RIN2: variants seen among roughly 807,000 people sequenced by gnomAD.
RIN2 encodes the protein RAB5 interacting protein 2.
Under a neutral mutation model 78.0 loss-of-function variants are expected in RIN2, and 36 were observed. The observed-to-expected ratio is 0.46, with a 90% CI of 0.35 to 0.61. RIN2 has a LOEUF of 0.61. Among genes scored for constraint, RIN2 ranks in the 20% least tolerant of loss-of-function variants. RIN2 has a pLI of 0.00. For synonymous variants in RIN2, 466 were observed against 466.8 expected (o/e 1.00, Z 0.02); for missense variants, 1,087 against 1,159.7 (o/e 0.94, Z 0.91).
intron 3 of RIN2, among the ~76,000 whole-genome samples, chr20:19,933,578 C>T (rs11696547): frequency 6.6e-6 from 1 of 152,092 alleles, no homozygotes; most frequent in African/African-American, 2.4e-5. Flanking sequence ...CTCAGCTCCA[C>T]TCCCCATTTG....
At chr20:19,773,410 G>A (rs556141157) in intron 1 of RIN2, among the ~76,000 whole-genome samples, 12 of 152,216 alleles carry the variant, frequency 7.9e-5, no homozygotes, top group Admixed American at 6.5e-4. Context: ...TGTGACCAGT[G>A]CACACAATCA....
At chr20:19,857,610 G>A (rs2037207680) in intron 2 of RIN2, among the ~76,000 whole-genome samples, 1 of 152,148 alleles carries the variant, frequency 6.6e-6, no homozygotes, top group African/African-American at 2.4e-5. Flanking sequence ...GAGAGTTCCA[G>A]TTGCTAACAC....
rs2036176668 is a variant in RIN2, at chr20:19,829,040, A to G, written c.-37+29293A>G. On this transcript the variant is annotated intron_variant, in intron 2 of 12. Coordinates refer to ENST00000255006, the MANE Select transcript of RIN2 (RefSeq NM_018993.4). ...AATTTGTGCCTCAGCAAACATGCAG[A>G]TTACCTGGGATCCTCAGCAGAGAAT... 2.6e-5 allele frequency among the ~76,000 whole-genome samples: 4 copies of G among 152,218 alleles called. No individual in the cohort carries two copies. The South Asian group carries it at 8.3e-4, about 32-fold the overall frequency.
At chr20:19,844,022 T>G (rs536880069) in intron 2 of RIN2, among the ~76,000 whole-genome samples, 5 of 152,174 alleles carry the variant, frequency 3.3e-5, no homozygotes, top group Non-Finnish European at 7.3e-5. Flanking sequence ...ATACCTTCAG[T>G]GGGGAAGAAT....
intron 2 of RIN2, among the ~76,000 whole-genome samples, chr20:19,843,189 G>A (rs1438493238): frequency 6.6e-6 from 1 of 152,170 alleles, no homozygotes; most frequent in Non-Finnish European, 1.5e-5. Flanking sequence ...ACTGTGAACA[G>A]TGTTAAAATG....
chr20:19,934,101 T>C (rs966619458), intron 3 of RIN2, among the ~76,000 whole-genome samples: 1 of 152,202 alleles, frequency 6.6e-6, no homozygotes, highest in African/African-American at 2.4e-5. Context: ...AGAGCCGCTA[T>C]GCCTGGCCAA....
At chr20:19,809,986 C>T (rs2035536438) in intron 2 of RIN2, among the ~76,000 whole-genome samples, 1 of 152,030 alleles carries the variant, frequency 6.6e-6, no homozygotes, top group African/African-American at 2.4e-5. Flanking sequence ...CCAGGTGCTG[C>T]AGAAAGAAAA....
intron 4 of RIN2, among the ~76,000 whole-genome samples, chr20:19,954,447 G>C (rs966691702): frequency 6.6e-6 from 1 of 152,168 alleles, no homozygotes; most frequent in African/African-American, 2.4e-5. Context: ...GCCAGGTTAA[G>C]TGTCAGTTCT....
chr20:19,902,108 C>T (rs1326253722), intron 3 of RIN2, among the ~76,000 whole-genome samples: 1 of 151,798 alleles, frequency 6.6e-6, no homozygotes, highest in Non-Finnish European at 1.5e-5. Flanking sequence ...ATTTAATCCT[C>T]ACAATATTAT....
At chr20:19,929,954 G>A (rs1600841658) in intron 3 of RIN2, among the ~76,000 whole-genome samples, 1 of 152,134 alleles carries the variant, frequency 6.6e-6, no homozygotes, top group African/African-American at 2.4e-5. Flanking sequence ...GGCCCAGTGG[G>A]TATATACACA....
At chr20:19,950,805 G>C (rs1045427288) in intron 4 of RIN2, among the ~76,000 whole-genome samples, 6 of 151,816 alleles carry the variant, frequency 4.0e-5, no homozygotes, top group Non-Finnish European at 7.4e-5. Context: ...CACTTCTCGG[G>C]TTCAAACAGT....
intron 2 of RIN2, among the ~76,000 whole-genome samples, chr20:19,848,397 G>T (rs8120277): frequency 1.3e-5 from 2 of 151,760 alleles, no homozygotes; most frequent in Non-Finnish European, 2.9e-5. Flanking sequence ...TTAGCTGGGC[G>T]TGGTGGTGTG....
chr20:19,828,919 G>A (rs1364303206), intron 2 of RIN2, among the ~76,000 whole-genome samples: 2 of 152,118 alleles, frequency 1.3e-5, no homozygotes, highest in Admixed American at 1.3e-4. Flanking sequence ...TTCCTGCTAG[G>A]CTTGGTTTGG....
chr20:19,968,963 G>C (rs370613646), intron 7 of RIN2, among the ~76,000 whole-genome samples: 3 of 150,190 alleles, frequency 2.0e-5, no homozygotes, highest in East Asian at 3.9e-4. Flanking sequence ...CCAAGCAAAG[G>C]GGGTGCTCAC....
intron 3 of RIN2, among the ~76,000 whole-genome samples, chr20:19,924,395 CTT>C (rs1252089122): frequency 3.7e-5 from 1 of 27,372 alleles, no homozygotes; most frequent in Non-Finnish European, 5.9e-5. Context: ...TACCCCACCT[CTT>C]CATACCCCAC....
chr20:19,933,194 T>C (rs772333124), intron 3 of RIN2, among the ~76,000 whole-genome samples: 1 of 152,178 alleles, frequency 6.6e-6, no homozygotes, highest in Non-Finnish European at 1.5e-5. Context: ...ATAAAACAGA[T>C]GTAAAATGGC....
At chr20:19,951,922 AGAC>A (rs2041333082) in intron 4 of RIN2, among the ~76,000 whole-genome samples, 1 of 152,186 alleles carries the variant, frequency 6.6e-6, no homozygotes, top group South Asian at 2.1e-4. Flanking sequence ...GTTTGCATGC[AGAC>A]ACCTTTCTTA....
chr20:19,768,496 C>T (rs2033984356), intron 1 of RIN2, among the ~76,000 whole-genome samples: 1 of 152,194 alleles, frequency 6.6e-6, no homozygotes. Context: ...CCATAGAGAG[C>T]ATCCTCTGAC....
chr20:19,765,350 A>C (rs1246308415), intron 1 of RIN2, among the ~76,000 whole-genome samples: 1 of 152,150 alleles, frequency 6.6e-6, no homozygotes, highest in South Asian at 2.1e-4. Context: ...CATTGATTGT[A>C]TGTGTTCAGG....
Sources: gnomAD v4.1 joint callset for allele counts (sites outside exome capture counted in the v4.1 genomes callset) on GRCh38, gnomAD v4.1.1 for gene constraint, MANE v1.5 for transcripts, NCBI Gene and HGNC (gene_info 2026-07-23, HGNC 2026-07-21) for gene names.